ZCCHC4: variants seen among roughly 807,000 people sequenced by gnomAD.
ZCCHC4 encodes the protein rRNA N(6)-adenosine-methyltransferase ZCCHC4.
A neutral mutation model predicts 67.7 loss-of-function variants in ZCCHC4; 54 were observed. The observed-to-expected ratio is 0.80, with a 90% CI of 0.64 to 1.00. The LOEUF is 1.00. ZCCHC4 is among the 50% of genes least tolerant of loss of function. ZCCHC4 has a pLI of 0.00. For missense variants in ZCCHC4, 609 were observed against 617.0 expected, an observed-to-expected ratio of 0.99 and a Z score of 0.14; for synonymous variants, 198 against 213.5, an observed-to-expected ratio of 0.93 and a Z score of 0.63.
At chr4:25,331,049 T>G (rs1182655027) in intron 3 of ZCCHC4, among the ~76,000 whole-genome samples, 1 of 152,158 alleles carries the variant, frequency 6.6e-6, no homozygotes, top group Non-Finnish European at 1.5e-5. Flanking sequence ...CCTGGAGTGC[T>G]CAGCTCTGTC....
chr4:25,346,175 A>ATC (rs977545375), intron 6 of ZCCHC4, among the ~76,000 whole-genome samples: 2 of 152,004 alleles, frequency 1.3e-5, no homozygotes, highest in African/African-American at 4.8e-5. Flanking sequence ...TGTACGGAAA[A>ATC]TCTCTATTCC....
In ZCCHC4 at chr4:25,324,007, TTTTTGTG is replaced by T. The variant is rs1314136740; in HGVS notation, c.329+8612_329+8618del. ...AAGGTAATCGTACAGTATGTACTGT[TTTTTGTG>T]TTTTTTTTTTTTTTTTGAGACAGAG... On this transcript the variant is annotated intron_variant, in intron 3 of 12. Coordinates refer to ENST00000302874, the MANE Select transcript of ZCCHC4 (RefSeq NM_024936.3). 5.0e-4 allele frequency among the ~76,000 whole-genome samples: 52 copies of T among 103,898 alleles called. 1 individual carries two copies. Among genetic ancestry groups the T allele is most frequent in the African/African-American group, 2.0e-3 (50 of 24,484 alleles). 68.2% of individuals were successfully genotyped at this position (103,898 alleles called of 152,430 possible).
chr4:25,341,359 T>C (rs1258213140), intron 5 of ZCCHC4, among the ~76,000 whole-genome samples: 1 of 152,188 alleles, frequency 6.6e-6, no homozygotes, highest in African/African-American at 2.4e-5. Context: ...ATAAATGGCT[T>C]GATGCTGTCT....
intron 11 of ZCCHC4, among the ~76,000 whole-genome samples, 165 bp downstream of exon 11, chr4:25,364,670 A>G (rs761209813): frequency 2.0e-5 from 3 of 152,212 alleles, no homozygotes; most frequent in Non-Finnish European, 4.4e-5. Flanking sequence ...ATGTTCTGCC[A>G]TGTTCCGCCT....
At chr4:25,327,270 G>C in intron 3 of ZCCHC4, among the ~76,000 whole-genome samples, 1 of 152,112 alleles carries the variant, frequency 6.6e-6, no homozygotes, top group Admixed American at 6.5e-5. Flanking sequence ...TCCCAGTCTT[G>C]GGGAAATGCA....
intron 5 of ZCCHC4, among the ~76,000 whole-genome samples, chr4:25,342,020 T>C (rs1719778745): frequency 6.6e-6 from 1 of 152,242 alleles, no homozygotes; most frequent in Non-Finnish European, 1.5e-5. Flanking sequence ...TTCATGCTTA[T>C]AAACTTTTGT....
At chr4:25,351,831 GT>G (rs1560413045) in intron 8 of ZCCHC4, 142 bp downstream of exon 8, 1 of 989,564 alleles carries the variant, frequency 1.0e-6, no homozygotes, top group Non-Finnish European at 1.4e-6. Context: ...TCAGTCCAGT[GT>G]TTTCTAAATA....
At chr4:25,346,766 G>A (rs1326219018) in intron 6 of ZCCHC4, among the ~76,000 whole-genome samples, 1 of 152,178 alleles carries the variant, frequency 6.6e-6, no homozygotes, top group Non-Finnish European at 1.5e-5. Context: ...TTCCCAAAGC[G>A]TTTATGTGGT....
intron 8 of ZCCHC4, chr4:25,352,269 ATG>A (rs1478291987): frequency 3.0e-6 from 3 of 985,334 alleles, no homozygotes; most frequent in African/African-American, 3.5e-5. Context: ...TGAAATGAGA[ATG>A]AGGCTGCTGT....
chr4:25,364,943 T>C lies in ZCCHC4; in HGVS notation c.1262-79T>C, dbSNP rs1217738761. 3 of 1,580,628 alleles carry C rather than the reference T, an allele frequency of 1.9e-6. No individual in the cohort carries two copies. The African/African-American group carries it at 4.1e-5, about 21-fold the overall frequency. ...CAATACTTCAAGTAAACACTGTTCGTATATCCTACCTTAAAAGTTAATAAG... is the reference window on the plus strand; with the variant it reads ...CAATACTTCAAGTAAACACTGTTCGCATATCCTACCTTAAAAGTTAATAAG... On this transcript the variant is annotated intron_variant, in intron 11 of 12. Coordinates refer to ENST00000302874, the MANE Select transcript of ZCCHC4 (RefSeq NM_024936.3).
intron 12 of ZCCHC4, among the ~76,000 whole-genome samples, chr4:25,366,657 A>G (rs1720965014): frequency 6.6e-6 from 1 of 152,198 alleles, no homozygotes; most frequent in Non-Finnish European, 1.5e-5. Flanking sequence ...TAAACCTTCA[A>G]AAATTGAATA....
At position 25,351,575 on chromosome 4, in the gene ZCCHC4, T is replaced by C. The variant is rs1357775393; in HGVS notation, c.911-14T>C. On this transcript the variant is annotated splice_polypyrimidine_tract_variant and intron_variant, in intron 7 of 12. Coordinates refer to ENST00000302874, the MANE Select transcript of ZCCHC4 (RefSeq NM_024936.3). The stretch of plus-strand genomic sequence containing the variant: ...TTAATTTACTATTATTTTTTCCTTT[T>C]TGTGATCCATTAGATGACAGTCACA... The C allele has an allele frequency of 4.5e-6, 7 of 1,558,284 alleles. No individual in the cohort carries two copies. Among genetic ancestry groups the C allele is most frequent in the South Asian group, 1.2e-5 (1 of 83,848 alleles).
chr4:25,346,780 T>C (rs1423849885), intron 6 of ZCCHC4, among the ~76,000 whole-genome samples: 2 of 152,226 alleles, frequency 1.3e-5, no homozygotes, highest in Admixed American at 1.3e-4. Context: ...ATGTGGTTGC[T>C]AATCACTAAG....
At chr4:25,319,912 T>C (rs1302706336) in intron 3 of ZCCHC4, among the ~76,000 whole-genome samples, 12 of 152,176 alleles carry the variant, frequency 7.9e-5, no homozygotes, top group Admixed American at 7.9e-4. Flanking sequence ...TTATACATAT[T>C]CTATAAAGCA....
At chr4:25,362,986 G>T (rs1720810395) in intron 10 of ZCCHC4, among the ~76,000 whole-genome samples, 1 of 152,112 alleles carries the variant, frequency 6.6e-6, no homozygotes, top group Non-Finnish European at 1.5e-5. Flanking sequence ...GGGTGCATTT[G>T]TTACAACTGA....
At chr4:25,345,493 T>C (rs1445235874) in intron 5 of ZCCHC4, 55 bp from the exon 6 acceptor site, 2 of 972,048 alleles carry the variant, frequency 2.1e-6, no homozygotes, top group East Asian at 2.5e-5. Context: ...ATTTAGTTTA[T>C]ATTTGTCTAC....
chr4:25,351,747 G>GTCTT, intron 8 of ZCCHC4, 58 bp downstream of exon 8: 1 of 1,372,796 alleles, frequency 7.3e-7, no homozygotes, highest in Non-Finnish European at 1.0e-6. Flanking sequence ...TACTTGAATA[G>GTCTT]ATATAAGACT....
chr4:25,335,411 G>A (rs1194476455), intron 5 of ZCCHC4, among the ~76,000 whole-genome samples: 3 of 152,148 alleles, frequency 2.0e-5, no homozygotes, highest in African/African-American at 7.2e-5. Flanking sequence ...TCACGTAACT[G>A]CACTCCAGCC....
chr4:25,333,054 A>T (rs1306694120), intron 3 of ZCCHC4, 129 bp from the exon 4 acceptor site: 34 of 880,794 alleles, frequency 3.9e-5, no homozygotes, highest in Non-Finnish European at 5.3e-5. Flanking sequence ...ATTTCTTCCT[A>T]CTTTTCTTCT....
Sources: gnomAD v4.1 joint callset for allele counts (sites outside exome capture counted in the v4.1 genomes callset) on GRCh38, gnomAD v4.1.1 for gene constraint, MANE v1.5 for transcripts, NCBI Gene and HGNC (gene_info 2026-07-23, HGNC 2026-07-21) for gene names.